The following CUX2 variants were observed in gnomAD, a reference collection of about 807,000 sequenced individuals.
CUX2 encodes homeobox protein cut-like 2.
In CUX2, 40 loss-of-function variants were observed where a neutral mutation model predicts 144.8. That is an observed-to-expected ratio of 0.28 (90% CI 0.21 to 0.36). The LOEUF is 0.36. Ranked by LOEUF, CUX2 falls within the 10% of genes least tolerant of loss-of-function variation. CUX2 has a pLI of 1.00. For missense variants in CUX2, 1,615 were observed against 1,994.0 expected, an observed-to-expected ratio of 0.81 and a Z score of 3.62; for synonymous variants, 827 against 875.6, an observed-to-expected ratio of 0.94 and a Z score of 0.98.
At chr12:111,222,254 CT>C (rs1881894159) in intron 3 of CUX2, among the ~76,000 whole-genome samples, 1 of 152,098 alleles carries the variant, frequency 6.6e-6, no homozygotes. Context: ...AATTAATTAC[CT>C]TCATTTATTA....
At chr12:111,108,776 C>T (rs1227107790) in intron 1 of CUX2, among the ~76,000 whole-genome samples, 3 of 150,532 alleles carry the variant, frequency 2.0e-5, no homozygotes, top group Non-Finnish European at 4.4e-5. Flanking sequence ...TCTTTTTTTG[C>T]AACTTTTTTT....
chr12:111,213,207 TC>T (rs1276606674), intron 1 of CUX2, among the ~76,000 whole-genome samples: 1 of 152,122 alleles, frequency 6.6e-6, no homozygotes, highest in Non-Finnish European at 1.5e-5. Context: ...CGAGTTATGG[TC>T]CAGAAAAAAA....
chr12:111,346,475 C>G (rs1315803208), intron 21 of CUX2, among the ~76,000 whole-genome samples: 1 of 87,538 alleles, frequency 1.1e-5, no homozygotes, highest in Non-Finnish European at 2.4e-5. Context: ...GACTCCATCT[C>G]AAAAAAAAAA....
At chr12:111,154,123 A>G (rs762447362) in intron 1 of CUX2, among the ~76,000 whole-genome samples, 11 of 151,812 alleles carry the variant, frequency 7.2e-5, no homozygotes, top group African/African-American at 2.4e-4. Context: ...CTTCACCCAT[A>G]TGGATTTGTG....
rs1307385705 is a variant in CUX2, at chr12:111,302,268, T to C, written c.754-1942T>C. 2.6e-5 allele frequency among the ~76,000 whole-genome samples: 4 copies of C among 152,142 alleles called. No individual in the cohort carries two copies. In the East Asian group the frequency reaches 7.7e-4, roughly 29 times the overall value. ...AAAATACAGCCACAGCTCTTTTAAT[T>C]CTCTAAGTAATGGCTCAAGTAATAT... On this transcript the variant is annotated intron_variant, in intron 9 of 21. Transcript: ENST00000261726.
intron 3 of CUX2, among the ~76,000 whole-genome samples, chr12:111,220,549 C>T (rs1271857474): frequency 2.0e-5 from 3 of 151,792 alleles, no homozygotes; most frequent in Non-Finnish European, 4.4e-5. Flanking sequence ...GCTGTGTGGC[C>T]TTGGGGAAAT....
intron 1 of CUX2, among the ~76,000 whole-genome samples, chr12:111,121,980 C>T (rs1874724029): frequency 6.6e-6 from 1 of 151,874 alleles, no homozygotes; most frequent in Non-Finnish European, 1.5e-5. Context: ...ATTCCGTTTC[C>T]ACAGCTCATA....
At chr12:111,137,918 T>A (rs1876020809) in intron 1 of CUX2, among the ~76,000 whole-genome samples, 1 of 152,228 alleles carries the variant, frequency 6.6e-6, no homozygotes, top group East Asian at 1.9e-4. Flanking sequence ...GAACAAGCTC[T>A]GGTCATGACA....
intron 4 of CUX2, among the ~76,000 whole-genome samples, chr12:111,280,616 A>G (rs528244795): frequency 4.7e-4 from 71 of 152,280 alleles, no homozygotes; most frequent in South Asian, 4.2e-3. Flanking sequence ...CGGCAGAGTT[A>G]GTTCCTTCTG....
intron 1 of CUX2, among the ~76,000 whole-genome samples, chr12:111,173,931 A>G (rs1168627168): frequency 6.6e-6 from 1 of 152,180 alleles, no homozygotes; most frequent in Non-Finnish European, 1.5e-5. Context: ...GAGGGCATTC[A>G]GGTAGCGGAA....
Position 111,291,543 on chromosome 12 carries a change from A to G in CUX2, c.427A>G (p.Ser143Gly). 1 of 1,609,902 alleles carries G rather than the reference A, an allele frequency of 6.2e-7. No homozygotes were observed. The highest frequency in any genetic ancestry group is 8.5e-7 in the Non-Finnish European group (1 of 1,177,968). Residue 143 changes from serine to glycine, a missense_variant, in exon 5 of 22, where the codon AGC becomes GGC. Ser to Gly is a moderately conservative substitution (Grantham distance 56, BLOSUM62 0). Around this residue, in one of 12 missense-constraint regions of CUX2, gnomAD observed 295 missense variants for 400.2 expected, o/e 0.74. Transcript: ENST00000261726. Reference sequence around the variant, plus strand: ...GTGGAAGAGGAACCCCGAGCTCCTCAGCCCCAAAGGTACTGATAAGGCCTT... The same window carrying G: ...GTGGAAGAGGAACCCCGAGCTCCTCGGCCCCAAAGGTACTGATAAGGCCTT... ...TSWKRNPELL[S>G]PKEQREGTSP...
intron 1 of CUX2, among the ~76,000 whole-genome samples, chr12:111,194,901 A>G (rs1880145637): frequency 6.6e-6 from 1 of 152,194 alleles, no homozygotes; most frequent in African/African-American, 2.4e-5. Context: ...GGGGACCCCC[A>G]GCTGTCCAGC....
intron 16 of CUX2, among the ~76,000 whole-genome samples, chr12:111,319,646 T>C (rs188565764): frequency 5.0e-4 from 76 of 152,300 alleles, no homozygotes; most frequent in Non-Finnish European, 9.0e-4. Context: ...GTAGGAGAAT[T>C]GCTGGAAGTG....
chr12:111,266,484 A>C (rs1328466115), intron 4 of CUX2, among the ~76,000 whole-genome samples: 1 of 152,016 alleles, frequency 6.6e-6, no homozygotes, highest in Non-Finnish European at 1.5e-5. Flanking sequence ...AAAAAAAAAA[A>C]AAAAAGAGAC....
chr12:111,086,565 G>A (rs890535137), intron 1 of CUX2, among the ~76,000 whole-genome samples: 1 of 152,176 alleles, frequency 6.6e-6, no homozygotes, highest in Non-Finnish European at 1.5e-5. Flanking sequence ...CACAGAGCTG[G>A]GTGCAGACAG....
chr12:111,315,504 A>G (rs1022663637), intron 16 of CUX2, among the ~76,000 whole-genome samples: 2 of 152,216 alleles, frequency 1.3e-5, no homozygotes, highest in African/African-American at 4.8e-5. Flanking sequence ...GGATCACTTG[A>G]GGTCAGGAGT....
intron 1 of CUX2, among the ~76,000 whole-genome samples, chr12:111,043,927 C>T (rs1466481347): frequency 6.6e-6 from 1 of 152,158 alleles, no homozygotes; most frequent in Non-Finnish European, 1.5e-5. Flanking sequence ...CGTGATAGGA[C>T]CCGTGCTGCG....
chr12:111,329,879 C>T (rs1046275907), intron 18 of CUX2, among the ~76,000 whole-genome samples: 1 of 152,154 alleles, frequency 6.6e-6, no homozygotes, highest in African/African-American at 2.4e-5. Context: ...TCAGGTGATC[C>T]ACCCGCGTTG....
chr12:111,080,155 G>A (rs1296734940), intron 1 of CUX2, among the ~76,000 whole-genome samples: 1 of 151,896 alleles, frequency 6.6e-6, no homozygotes, highest in African/African-American at 2.4e-5. Flanking sequence ...CTCTGCCCAC[G>A]GCAGCCTGCC....
Sources: gnomAD v4.1 joint callset for allele counts (sites outside exome capture counted in the v4.1 genomes callset) on GRCh38, gnomAD v4.1.1 for gene constraint, gnomAD v4.1.1 regional missense constraint, MANE v1.5 for transcripts, NCBI Gene and HGNC (gene_info 2026-07-23, HGNC 2026-07-21) for gene names.